CNTLN: variants seen among roughly 807,000 people sequenced by gnomAD.
CNTLN encodes the protein centlein, centrosomal protein.
A neutral mutation model predicts 180.0 loss-of-function variants in CNTLN; 212 were observed. That is an observed-to-expected ratio of 1.18 (90% CI 1.05 to 1.32). CNTLN has a LOEUF of 1.32. Among genes scored for constraint, CNTLN ranks in the 40% most tolerant of loss-of-function variants. The pLI, the probability that CNTLN is intolerant of heterozygous loss-of-function variation, is 0.00. For synonymous variants in CNTLN, 722 were observed against 563.1 expected (o/e 1.28, Z -3.99); for missense variants, 2,095 against 1,610.9 (o/e 1.30, Z -5.14).
intron 8 of CNTLN, among the ~76,000 whole-genome samples, chr9:17,328,799 G>A (rs965145783): frequency 6.6e-6 from 1 of 152,024 alleles, no homozygotes; most frequent in African/African-American, 2.4e-5. Flanking sequence ...CTCTTTGATA[G>A]TATTTTAATT....
rs188103863 is a variant in CNTLN, at chr9:17,214,485, A to G, written c.450-11718A>G. 5.1e-3 allele frequency among the ~76,000 whole-genome samples: 771 copies of G among 152,114 alleles called. 5 individuals are homozygous for G. The highest frequency in any genetic ancestry group is 8.0e-3 in the Admixed American group (122 of 15,282). ...CGACCTTTCTCTCTGGCTGCCCTTA[A>G]TATTTTTTCCGTCATTTCAACTTTG... On this transcript the variant is annotated intron_variant, in intron 2 of 25. Transcript: ENST00000380647.
At chr9:17,514,309 C>G in the CNTLN span, among the ~76,000 whole-genome samples, 1 of 152,032 alleles carries the variant, frequency 6.6e-6, no homozygotes, top group Non-Finnish European at 1.5e-5. Context: ...GATGCTGTCT[C>G]AAACAAAACA....
chr9:17,345,799 AC>A (rs898055579), intron 12 of CNTLN, among the ~76,000 whole-genome samples: 27 of 152,252 alleles, frequency 1.8e-4, no homozygotes, highest in African/African-American at 6.5e-4. Flanking sequence ...TCTTATGTTT[AC>A]CCATAAGAGA....
intron 2 of CNTLN, among the ~76,000 whole-genome samples, chr9:17,183,737 G>A (rs1349762765): frequency 1.3e-5 from 2 of 152,002 alleles, no homozygotes; most frequent in African/African-American, 4.8e-5. Flanking sequence ...GAGATCAATA[G>A]TATTTAAAGT....
intron 5 of CNTLN, among the ~76,000 whole-genome samples, chr9:17,240,331 A>G (rs1825407193): frequency 6.6e-6 from 1 of 152,152 alleles, no homozygotes. Context: ...TGAATAGGTT[A>G]ACTAATTCTG....
chr9:17,260,684 T>C lies in CNTLN; in HGVS notation c.850-13049T>C, dbSNP rs543095060. Among the ~76,000 whole-genome samples the C allele has an allele frequency of 2.8e-4, 43 of 151,586 alleles. 2 individuals are homozygous for C. The highest frequency in any genetic ancestry group is 1.0e-3 in the African/African-American group (42 of 40,986). ...AGAAGCTCTTTAGCTATGCAGAAGC[T>C]CTTTAGTTTAATTAGATCCCATTTG... is the stretch of plus-strand genomic sequence containing the variant. On this transcript the variant is annotated intron_variant, in intron 5 of 25. Transcript: ENST00000380647.
In CNTLN at chr9:17,205,295, TAATA is replaced by T. The variant is rs151058811; in HGVS notation, c.450-20904_450-20901del. ...TCCCATGTAAATGGCAATGCAGATA[TAATA>T]AATGATATAATAAGCAAATTAACAT... is the stretch of plus-strand genomic sequence containing the variant. On this transcript the variant is annotated intron_variant, in intron 2 of 25. Transcript: ENST00000380647. Among the ~76,000 whole-genome samples the T allele has an allele frequency of 7.1e-3, 1,086 of 152,298 alleles. 7 individuals carry two copies. Among genetic ancestry groups the T allele is most frequent in the Admixed American group, 8.4e-3 (129 of 15,286 alleles).
intron 5 of CNTLN, among the ~76,000 whole-genome samples, chr9:17,245,763 A>G (rs1421922522): frequency 6.6e-6 from 1 of 151,368 alleles, no homozygotes; most frequent in Non-Finnish European, 1.5e-5. Context: ...CTAACTGTGT[A>G]TTTTCAAACA....
chr9:17,380,482 C>T (rs1051386437), intron 13 of CNTLN, among the ~76,000 whole-genome samples: 2 of 152,152 alleles, frequency 1.3e-5, no homozygotes, highest in Non-Finnish European at 2.9e-5. Context: ...TGTCCTTGAC[C>T]AGGACCTGTG....
chr9:17,247,413 C>T (rs1825857091), intron 5 of CNTLN, among the ~76,000 whole-genome samples: 1 of 152,184 alleles, frequency 6.6e-6, no homozygotes, highest in Non-Finnish European at 1.5e-5. Flanking sequence ...CAGAGTAGCA[C>T]TGAGTTGTAG....
chr9:17,147,817 A>C (rs765130398), intron 2 of CNTLN, among the ~76,000 whole-genome samples: 16 of 152,204 alleles, frequency 1.1e-4, no homozygotes, highest in Non-Finnish European at 1.6e-4. Flanking sequence ...CTATTTTTAA[A>C]AATAGTATAA....
chr9:17,383,832 G>T (rs2133613156), intron 13 of CNTLN, among the ~76,000 whole-genome samples: 1 of 152,072 alleles, frequency 6.6e-6, no homozygotes, highest in East Asian at 2.0e-4. Flanking sequence ...TAGAGATGGG[G>T]TTTCACCGTG....
intron 2 of CNTLN, among the ~76,000 whole-genome samples, chr9:17,146,536 G>A (rs1012447032): frequency 2.6e-5 from 4 of 152,122 alleles, no homozygotes; most frequent in Admixed American, 1.3e-4. Context: ...TTATAAAGGG[G>A]TTTAAGGAGC....
In CNTLN at chr9:17,309,079, T is replaced by G. The variant is rs1818944300; in HGVS notation, c.1168T>G (p.Cys390Gly). Residue 390 changes from cysteine (C) to glycine (G), a missense_variant, in exon 8 of 26, where the codon TGT becomes GGT. Transcript: ENST00000380647. Reference sequence around the variant, plus strand: ...ACAGCTTTACAATGAGTTACATATTTGTTTTGAAACCACAAAATCAAATGA... The same window carrying G: ...ACAGCTTTACAATGAGTTACATATTGGTTTTGAAACCACAAAATCAAATGA... ...YQKLYNELHI[C>G]FETTKSNEAM... The G allele has an allele frequency of 6.3e-7, 1 of 1,588,890 alleles. No homozygotes were observed. Among genetic ancestry groups the G allele is most frequent in the Non-Finnish European group, 8.5e-7 (1 of 1,172,592 alleles).
At chr9:17,463,989 A>G (rs1831601273) in intron 20 of CNTLN, among the ~76,000 whole-genome samples, 1 of 151,632 alleles carries the variant, frequency 6.6e-6, no homozygotes, top group Admixed American at 6.6e-5. Flanking sequence ...CTACCATTTT[A>G]TACTTAATAG....
At chr9:17,496,836 C>G (rs1833481835) in intron 25 of CNTLN, among the ~76,000 whole-genome samples, 1 of 152,108 alleles carries the variant, frequency 6.6e-6, no homozygotes. Flanking sequence ...ATGGACATAT[C>G]CCCTTCAAGT....
chr9:17,211,411 GA>G (rs1563884900), intron 2 of CNTLN, among the ~76,000 whole-genome samples: 2 of 151,934 alleles, frequency 1.3e-5, no homozygotes, highest in African/African-American at 4.8e-5. Flanking sequence ...TTCCATTGGT[GA>G]TATCTCTGTT....
intron 2 of CNTLN, among the ~76,000 whole-genome samples, chr9:17,206,312 G>C (rs1269593324): frequency 6.6e-6 from 1 of 152,126 alleles, no homozygotes; most frequent in East Asian, 1.9e-4. Context: ...ACAGCAATAA[G>C]CTACATGTAG....
At chr9:17,306,418 G>A (rs1471280560) in intron 7 of CNTLN, among the ~76,000 whole-genome samples, 12 of 152,150 alleles carry the variant, frequency 7.9e-5, no homozygotes, top group Admixed American at 6.5e-4. Flanking sequence ...CAAAGTGCTG[G>A]GATTACGGAT....
Sources: allele counts gnomAD v4.1 joint callset (sites outside exome capture counted in the v4.1 genomes callset), GRCh38; gene constraint gnomAD v4.1.1; transcripts MANE v1.5; gene names NCBI Gene and HGNC (gene_info 2026-07-23, HGNC 2026-07-21).